The following BCR variants were observed in gnomAD, a reference collection of about 807,000 sequenced individuals.
BCR encodes BCR activator of RhoGEF and GTPase.
In BCR, 58 loss-of-function variants were observed where a neutral mutation model predicts 138.6. The observed-to-expected ratio is 0.42, with a 90% CI of 0.34 to 0.52. The LOEUF is 0.52. BCR is among the 20% of genes least tolerant of loss of function. BCR has a pLI of 0.06. For synonymous variants in BCR, 786 were observed against 730.1 expected (o/e 1.08, Z -1.23); for missense variants, 1,599 against 1,727.2 (o/e 0.93, Z 1.32).
chr22:23,239,836 C>T (rs1179740529), intron 1 of BCR, among the ~76,000 whole-genome samples: 1 of 150,326 alleles, frequency 6.7e-6, no homozygotes, highest in Non-Finnish European at 1.5e-5. Context: ...TTTTAAGAGA[C>T]AGCGTCTCCC....
chr22:23,271,717 C>T (rs921275144), intron 6 of BCR, 125 bp downstream of exon 6: 22 of 897,784 alleles, frequency 2.5e-5, no homozygotes, highest in Non-Finnish European at 3.9e-5. Flanking sequence ...TCCCTGTTCT[C>T]TCTTCAGATA....
chr22:23,292,962 G>T (rs909979883), intron 15 of BCR, among the ~76,000 whole-genome samples: 1 of 152,082 alleles, frequency 6.6e-6, no homozygotes, highest in Admixed American at 6.5e-5. Context: ...GTGTTTTTCC[G>T]CAGAAGTTGG....
intron 1 of BCR, among the ~76,000 whole-genome samples, chr22:23,186,981 C>G (rs1054158243): frequency 3.9e-5 from 6 of 152,212 alleles, no homozygotes; most frequent in African/African-American, 9.7e-5. Context: ...AGTGATCCAC[C>G]CGTCTTGGCC....
chr22:23,307,172 A>G (rs1347904995), intron 16 of BCR, among the ~76,000 whole-genome samples: 1 of 152,206 alleles, frequency 6.6e-6, no homozygotes. Context: ...CATGGCTCAC[A>G]GCAGTCTCCA....
intron 8 of BCR, among the ~76,000 whole-genome samples, chr22:23,280,657 AAGG>A (rs1437345894): frequency 2.6e-5 from 4 of 152,308 alleles, no homozygotes; most frequent in Admixed American, 1.3e-4. Context: ...CGTCACAGAG[AAGG>A]AGAAGGGTGG....
chr22:23,254,614 A>G (rs2146268507), intron 2 of BCR: 2 of 518,662 alleles, frequency 3.9e-6, no homozygotes, highest in Non-Finnish European at 3.8e-6. Context: ...TGCAGGCTGG[A>G]TGGTGCTGGA....
intron 1 of BCR, among the ~76,000 whole-genome samples, chr22:23,224,768 G>T (rs569342438): frequency 6.6e-6 from 1 of 152,252 alleles, no homozygotes; most frequent in South Asian, 2.1e-4. Context: ...TGTGATCCCA[G>T]CTACTTGGGA....
intron 2 of BCR, among the ~76,000 whole-genome samples, chr22:23,260,455 C>G (rs958511135): frequency 1.3e-5 from 2 of 152,144 alleles, no homozygotes; most frequent in Non-Finnish European, 2.9e-5. Context: ...GCCTGGGCCC[C>G]GTCAATCGAA....
chr22:23,280,389 C>T (rs1349024147), intron 8 of BCR, among the ~76,000 whole-genome samples: 1 of 152,214 alleles, frequency 6.6e-6, no homozygotes, highest in East Asian at 1.9e-4. Context: ...GCCTCAGTTT[C>T]CTTGTGTGTA....
intron 11 of BCR, among the ~76,000 whole-genome samples, chr22:23,287,545 A>G (rs1168274136): frequency 6.6e-6 from 1 of 152,176 alleles, no homozygotes; most frequent in Non-Finnish European, 1.5e-5. Flanking sequence ...GTTTGTGCAG[A>G]TCTGGCCCTT....
intron 4 of BCR, chr22:23,262,871 A>C: frequency 9.5e-7 from 1 of 1,054,450 alleles, no homozygotes; most frequent in African/African-American, 1.7e-5. Flanking sequence ...CAGACGGCGA[A>C]GGAGGCAGCG....
intron 1 of BCR, among the ~76,000 whole-genome samples, chr22:23,222,273 A>C (rs145973003): frequency 1.3e-4 from 20 of 152,342 alleles, no homozygotes; most frequent in Middle Eastern, 3.4e-3. Context: ...CAGAGTGAAC[A>C]GGTGACACAC....
chr22:23,286,966 C>T (rs1365619981), intron 10 of BCR, among the ~76,000 whole-genome samples, 193 bp from the exon 11 acceptor site: 1 of 152,176 alleles, frequency 6.6e-6, no homozygotes, highest in African/African-American at 2.4e-5. Context: ...TGCCTTGACC[C>T]TGTAAAAAAG....
rs760449711 is a variant in BCR, at chr22:23,181,090, C to T, written c.130C>T (p.Arg44Cys). ...ELERCKASIR[R>C]LEQEVNQERF... ...GGAGCGCTGCAAGGCCTCCATTCGG[C>T]GCCTGGAGCAGGAGGTGAACCAGGA... The change falls in exon 1 of 23, where the codon CGC (arginine) becomes TGC (cysteine). Residue 44 changes from arginine (R) to cysteine (C), a missense_variant. Physicochemically the swap from Arg to Cys is radical, Grantham distance 180. This residue lies in a region of BCR where 806 missense variants were observed against 635.0 expected (regional missense o/e 1.27). Coordinates refer to ENST00000305877, the MANE Select transcript of BCR (RefSeq NM_004327.4). 2 of 1,514,168 alleles carry T rather than the reference C, an allele frequency of 1.3e-6. No homozygotes were observed. The highest frequency in any genetic ancestry group is 2.6e-5 in the East Asian group (1 of 38,642). The allele number at this position is 1,514,168 out of a possible 1,614,324, so 93.8% of individuals were successfully genotyped here.
intron 16 of BCR, among the ~76,000 whole-genome samples, chr22:23,295,373 G>A (rs895953541): frequency 7.9e-5 from 12 of 152,246 alleles, no homozygotes; most frequent in Non-Finnish European, 8.8e-5. Context: ...TGTTGCGTCG[G>A]CTCATTCCCA....
At position 23,278,024 on chromosome 22, in the gene BCR, T is replaced by G. The variant is rs142924948; in HGVS notation, c.2115+4250T>G. Among the ~76,000 whole-genome samples the G allele has an allele frequency of 1.2e-3, 190 of 152,324 alleles. 1 individual carries two copies. The highest frequency in any genetic ancestry group is 3.4e-3 in the Middle Eastern group (1 of 294). On this transcript the variant is annotated intron_variant, in intron 8 of 22. Coordinates refer to ENST00000305877, the MANE Select transcript of BCR (RefSeq NM_004327.4). ...CGCAGGCACAGTTTCTTTCCAGGCC[T>G]GGGTTCTGAGGGCTGGTGGGTGGCG...
intron 19 of BCR, among the ~76,000 whole-genome samples, chr22:23,312,216 C>G (rs866454067): frequency 8.0e-4 from 122 of 152,356 alleles, no homozygotes; most frequent in African/African-American, 2.7e-3. Flanking sequence ...TGCAGCATCT[C>G]TGCCTCCATC....
intron 11 of BCR, 133 bp from the exon 12 acceptor site, chr22:23,287,964 C>T (rs578056031): frequency 2.3e-5 from 19 of 816,054 alleles, no homozygotes; most frequent in South Asian, 1.0e-4. Context: ...CATGCCAGGC[C>T]GTGAGCACAC....
chr22:23,218,526 C>T (rs566591808), intron 1 of BCR, among the ~76,000 whole-genome samples: 8 of 152,322 alleles, frequency 5.3e-5, no homozygotes, highest in Non-Finnish European at 1.0e-4. Flanking sequence ...CACCTCAGTC[C>T]CTGCCAGTCT....
Sources: allele counts gnomAD v4.1 joint callset (sites outside exome capture counted in the v4.1 genomes callset), GRCh38; gene constraint gnomAD v4.1.1; regional missense constraint gnomAD v4.1.1; transcripts MANE v1.5; gene names NCBI Gene and HGNC (gene_info 2026-07-23, HGNC 2026-07-21).